DOCK8: variants seen among roughly 807,000 people sequenced by gnomAD.
DOCK8 encodes the protein dedicator of cytokinesis 8, also known as dedicator of cytokinesis protein 8.
Under a neutral mutation model 245.6 loss-of-function variants are expected in DOCK8, and 141 were observed. The ratio of observed to expected loss-of-function variants is 0.57; its 90% confidence interval spans 0.50 to 0.66. The LOEUF is 0.66. DOCK8 is among the 30% of genes least tolerant of loss of function. DOCK8 has a pLI of 0.00. For missense variants in DOCK8, 2,965 were observed against 2,603.4 expected, an observed-to-expected ratio of 1.14 and a Z score of -3.02; for synonymous variants, 1,168 against 970.2, an observed-to-expected ratio of 1.20 and a Z score of -3.79.
At chr9:314,464 G>A (rs13290723) in intron 6 of DOCK8, 31,740 of 152,112 alleles carry the variant, frequency 0.21, 3,597 homozygotes, top group African/African-American at 0.25. Flanking sequence ...ATAATGAAAC[G>A]TAGCCTGGTT....
At position 382,459 on chromosome 9, in the gene DOCK8, G is replaced by T. The variant is rs1483356119; in HGVS notation, c.2606-54G>T. ...CCTCTTCAATTCCTTCTTAAACTCA[G>T]TAAGTAACTCTGTTCCCCTGTCTGT... On this transcript the variant is annotated intron_variant, in intron 21 of 47. Coordinates refer to ENST00000432829, the MANE Select transcript of DOCK8 (RefSeq NM_203447.4). 6.2e-6 allele frequency: 10 copies of T among 1,610,102 alleles called. No homozygotes were observed. In the African/African-American group the frequency reaches 1.2e-4, roughly 19 times the overall value.
chr9:347,327 G>T (rs1408125581), intron 14 of DOCK8, among the ~76,000 whole-genome samples: 9 of 152,080 alleles, frequency 5.9e-5, no homozygotes, highest in Non-Finnish European at 1.2e-4. Context: ...AACATAGCAA[G>T]ACCCTGTCTC....
chr9:377,084 T>C lies in DOCK8; in HGVS notation c.2313T>C (p.His771=), dbSNP rs762846664. Residue 771 remains histidine, a synonymous_variant, in exon 20 of 48, where the codon CAT becomes CAC. Transcript: ENST00000432829. ...AAATCAGCGAGATGGCGCTGGAGCA[T>C]GAGCTGAAGCTCAGCATCATCTGCC... The part of the protein sequence containing the change: ...DQKISEMALE[H]ELKLSIICLN... The C allele has an allele frequency of 6.2e-7, 1 of 1,613,016 alleles. No homozygotes were observed. Among genetic ancestry groups the C allele is most frequent in the Non-Finnish European group, 8.5e-7 (1 of 1,179,964 alleles).
intron 1 of DOCK8, among the ~76,000 whole-genome samples, chr9:233,785 G>A (rs1157078089): frequency 6.6e-6 from 1 of 151,830 alleles, no homozygotes; most frequent in East Asian, 1.9e-4. Flanking sequence ...TTGAGCCTAT[G>A]TGTGTCTCTG....
intron 2 of DOCK8, among the ~76,000 whole-genome samples, chr9:278,346 G>T (rs972469695): frequency 5.3e-5 from 8 of 152,218 alleles, no homozygotes; most frequent in Non-Finnish European, 1.2e-4. Flanking sequence ...GAACTTTACT[G>T]CCTTCAGCTT....
upstream of DOCK8, among the ~76,000 whole-genome samples, chr9:211,947 T>C: frequency 6.6e-6 from 1 of 151,874 alleles, no homozygotes; most frequent in Admixed American, 6.6e-5. Flanking sequence ...TTAAGTAGGG[T>C]AGATGGAGAA....
chr9:362,367 C>G (rs2052771462), intron 14 of DOCK8, among the ~76,000 whole-genome samples: 2 of 152,148 alleles, frequency 1.3e-5, no homozygotes, highest in African/African-American at 2.4e-5. Flanking sequence ...AAATAATGGC[C>G]AACTCAAATG....
chr9:400,246 T>A (rs199555325), intron 26 of DOCK8, among the ~76,000 whole-genome samples: 62 of 40,148 alleles, frequency 1.5e-3, no homozygotes, highest in East Asian at 3.9e-3. Flanking sequence ...CACCACCACC[T>A]CCACCATCAC....
intron 6 of DOCK8, 141 bp from the exon 7 acceptor site, chr9:316,902 A>C (rs2050371095): frequency 1.4e-6 from 1 of 705,168 alleles, no homozygotes; most frequent in South Asian, 1.6e-5. Context: ...AAACTTTCTT[A>C]TAAAAGGCAG....
chr9:342,184 A>G (rs751447383), intron 14 of DOCK8, among the ~76,000 whole-genome samples: 2 of 152,002 alleles, frequency 1.3e-5, no homozygotes, highest in Non-Finnish European at 2.9e-5. Flanking sequence ...CCATGGAAAA[A>G]TTGTCTTCCA....
intron 14 of DOCK8, among the ~76,000 whole-genome samples, chr9:348,110 A>G (rs1586763227): frequency 6.6e-6 from 1 of 152,012 alleles, no homozygotes; most frequent in South Asian, 2.1e-4. Flanking sequence ...GCCTCCTTTC[A>G]TTAGTAAGTC....
In DOCK8 at chr9:464,517, T is replaced by A; in HGVS notation, c.*298T>A. ...ACAAGGCATAAGCAGCTTCTCCTGC[T>A]GACTGGCCAATCACTGCCCATCTGA... On this transcript the variant is annotated 3_prime_UTR_variant, in exon 48 of 48. Transcript: ENST00000432829. 2.1e-6 allele frequency: 1 copy of A among 480,622 alleles called. No homozygotes were observed. Among genetic ancestry groups the A allele is most frequent in the South Asian group, 2.2e-5 (1 of 45,340 alleles). The allele number at this position is 480,622 out of a possible 1,614,324, so 29.8% of individuals were successfully genotyped here.
At chr9:285,740 G>C (rs1202505148) in intron 2 of DOCK8, among the ~76,000 whole-genome samples, 2 of 151,802 alleles carry the variant, frequency 1.3e-5, no homozygotes, top group African/African-American at 4.9e-5. Context: ...CTTTCCAACT[G>C]TGGAAGGTAA....
intron 1 of DOCK8, among the ~76,000 whole-genome samples, chr9:243,993 G>A (rs1019977516): frequency 2.0e-5 from 3 of 151,978 alleles, no homozygotes; most frequent in Non-Finnish European, 2.9e-5. Flanking sequence ...GACCATCCTG[G>A]CTAACATGGT....
intron 7 of DOCK8, among the ~76,000 whole-genome samples, chr9:322,556 ATATC>A (rs1563919539): frequency 6.6e-6 from 1 of 151,972 alleles, no homozygotes; most frequent in Non-Finnish European, 1.5e-5. Flanking sequence ...AATGCAGATA[ATATC>A]TGCATTACGC....
Position 294,050 on chromosome 9 carries a change from C to T in DOCK8, c.404+4469C>T, listed in dbSNP as rs539360346. On this transcript the variant is annotated intron_variant, in intron 4 of 47. Coordinates refer to ENST00000432829, the MANE Select transcript of DOCK8 (RefSeq NM_203447.4). ...AAAATATTTGTCTATTTATATTTTTCACATAAAGATATATGTATTAATGTA... is the reference window on the plus strand; with the variant it reads ...AAAATATTTGTCTATTTATATTTTTTACATAAAGATATATGTATTAATGTA... Among the ~76,000 whole-genome samples, 6 of 152,194 alleles carry T rather than the reference C, an allele frequency of 3.9e-5. No homozygotes were observed. The East Asian group carries it at 1.2e-3, about 29-fold the overall frequency.
chr9:234,128 A>G (rs971382808), intron 1 of DOCK8, among the ~76,000 whole-genome samples: 10 of 152,092 alleles, frequency 6.6e-5, no homozygotes, highest in African/African-American at 2.2e-4. Flanking sequence ...CTTGTCTGTA[A>G]AGGACTTTAT....
chr9:413,975 C>G (rs942915977), intron 28 of DOCK8, among the ~76,000 whole-genome samples: 1 of 152,110 alleles, frequency 6.6e-6, no homozygotes, highest in Non-Finnish European at 1.5e-5. Flanking sequence ...AACCCTGTCT[C>G]TACTAAAAAT....
chr9:347,545 T>C (rs2051955956), intron 14 of DOCK8, among the ~76,000 whole-genome samples: 1 of 152,188 alleles, frequency 6.6e-6, no homozygotes, highest in Admixed American at 6.5e-5. Context: ...TATCAGATGA[T>C]GCGGAAGCCC....
Sources: allele counts gnomAD v4.1 joint callset (sites outside exome capture counted in the v4.1 genomes callset), GRCh38; gene constraint gnomAD v4.1.1; transcripts MANE v1.5; gene names NCBI Gene and HGNC (gene_info 2026-07-23, HGNC 2026-07-21).